Variants in MYH16 observed in about 807,000 individuals in gnomAD.
The protein encoded by MYH16 is myosin heavy chain 16.
intron 1 of MYH16, among the ~76,000 whole-genome samples, chr7:99,240,936 G>T (rs930086143): frequency 1.3e-5 from 2 of 152,082 alleles, no homozygotes; most frequent in East Asian, 1.9e-4. Flanking sequence ...GTGGTAAAAA[G>T]ATATAGTTGG....
At chr7:99,269,807 G>A (rs555328948) in intron 18 of MYH16, among the ~76,000 whole-genome samples, 1 of 151,352 alleles carries the variant, frequency 6.6e-6, no homozygotes, top group Admixed American at 6.6e-5. Flanking sequence ...TCCTGTGCAG[G>A]AATTTCTCTA....
In MYH16 at chr7:99,279,502, C is replaced by G. The variant is rs1260536078; in HGVS notation, n.2660-8C>G. The G allele has an allele frequency of 2.2e-6, 1 of 456,482 alleles. No homozygotes were observed. Among genetic ancestry groups the G allele is most frequent in the South Asian group, 1.5e-5 (1 of 64,546 alleles). 28.3% of individuals were successfully genotyped at this position (456,482 alleles called of 1,614,324 possible). A position where few individuals can be genotyped will look rare whatever the true frequency, so the allele number is the denominator to read the frequency against. On this transcript the variant is annotated splice_polypyrimidine_tract_variant and splice_region_variant and intron_variant and non_coding_transcript_variant, in intron 21 of 41. Transcript: ENST00000439784. The stretch of plus-strand genomic sequence containing the variant: ...CCTGTCCTCGACCGGGGCTCTTTCT[C>G]CCAACAGGAGCAAGAGAACCTGATG...
At chr7:99,302,039 C>T (rs1792602103) in intron 38 of MYH16, among the ~76,000 whole-genome samples, 1 of 152,186 alleles carries the variant, frequency 6.6e-6, no homozygotes, top group Admixed American at 6.5e-5. Context: ...CACTGTGGCT[C>T]ATGCCTATAA....
At chr7:99,242,565 G>C (rs1791678154) in intron 1 of MYH16, among the ~76,000 whole-genome samples, 1 of 152,200 alleles carries the variant, frequency 6.6e-6, no homozygotes, top group African/African-American at 2.4e-5. Flanking sequence ...TTGAGCCCAA[G>C]AGATTGAAGC....
chr7:99,273,480 G>C (rs951086184), intron 20 of MYH16, 57 bp downstream of exon 2: 4 of 455,380 alleles, frequency 8.8e-6, no homozygotes, highest in South Asian at 6.2e-5. Context: ...GCTGGGGGAG[G>C]GCTTGATCCT....
At position 99,283,963 on chromosome 7, in the gene MYH16, G is replaced by A. The variant is rs137946847; in HGVS notation, n.3170G>A. 111 of 456,644 alleles carry A rather than the reference G, an allele frequency of 2.4e-4. No individual in the cohort carries two copies. In the East Asian group the frequency reaches 6.3e-3, roughly 26 times the overall value. 28.3% of individuals were successfully genotyped at this position (456,644 alleles called of 1,614,324 possible). ...TGAGAGTGACCTGAAGATGACCATC[G>A]ACAACCTCAATGAGATGGAGCGTTC... On this transcript the variant is annotated non_coding_transcript_exon_variant, in exon 25 of 42. Transcript: ENST00000439784.
chr7:99,270,805 G>A (rs1202635123), intron 18 of MYH16, among the ~76,000 whole-genome samples: 1 of 152,048 alleles, frequency 6.6e-6, no homozygotes, highest in Non-Finnish European at 1.5e-5. Context: ...GATTGCTTAA[G>A]CTCGGGAGGT....
At chr7:99,259,704 G>A (rs1791915817) in intron 11 of MYH16, among the ~76,000 whole-genome samples, 1 of 147,124 alleles carries the variant, frequency 6.8e-6, no homozygotes, top group Admixed American at 6.8e-5. Flanking sequence ...ATATGTGTGT[G>A]TATATATATA....
At chr7:99,252,061 CA>C (rs1427535720) in intron 6 of MYH16, among the ~76,000 whole-genome samples, 1 of 152,148 alleles carries the variant, frequency 6.6e-6, no homozygotes, top group Admixed American at 6.5e-5. Context: ...AGAACCTTGG[CA>C]ACAGTGATGG....
At chr7:99,308,293 TAAAAAAAAAAAAAA>T (rs10556699), downstream of MYH16, among the ~76,000 whole-genome samples, 2 of 40,158 alleles carry the variant, frequency 5.0e-5, no homozygotes, top group Non-Finnish European at 9.2e-5. Flanking sequence ...AGGCTCTGTC[TAAAAAAAAAAAAAA>T]AAAAAAAAAA....
intron 20 of MYH16, among the ~76,000 whole-genome samples, chr7:99,276,040 G>T (rs1244689594): frequency 6.6e-6 from 1 of 152,080 alleles, no homozygotes; most frequent in Non-Finnish European, 1.5e-5. Context: ...TTTAGTTTTT[G>T]TTGTTGTTGT....
At chr7:99,264,046 C>G (rs1562777202) in intron 14 of MYH16, among the ~76,000 whole-genome samples, 1 of 152,236 alleles carries the variant, frequency 6.6e-6, no homozygotes, top group Non-Finnish European at 1.5e-5. Flanking sequence ...AGCACAGCAA[C>G]TCTTTTGAGA....
chr7:99,284,896 T>C (rs1003005740), exon 26 of MYH16: 1 of 456,698 alleles, frequency 2.2e-6, no homozygotes, highest in Non-Finnish European at 4.4e-6. Flanking sequence ...ATGAGCAGTC[T>C]CTGAATTCCA....
downstream of MYH16, among the ~76,000 whole-genome samples, chr7:99,310,050 A>G (rs964903435): frequency 6.6e-6 from 1 of 152,182 alleles, no homozygotes; most frequent in African/African-American, 2.4e-5. Flanking sequence ...AAAACTGAAA[A>G]GAAAAAAATT....
exon 8 of MYH16, chr7:99,253,798 C>G (rs1791839778): frequency 4.9e-6 from 1 of 204,820 alleles, no homozygotes; most frequent in African/African-American, 2.3e-5. Flanking sequence ...CTACCAGATT[C>G]TCTCAAACAA....
At chr7:99,266,830 T>C (rs1047134023) in intron 17 of MYH16, 3 of 152,708 alleles carry the variant, frequency 2.0e-5, no homozygotes, top group Non-Finnish European at 4.4e-5. Context: ...CAGTGATGAC[T>C]GTCAATCATC....
At chr7:99,284,645 T>G (rs1477187878) in intron 25 of MYH16, among the ~76,000 whole-genome samples, 200 bp from the exon 8 acceptor site, 1 of 152,160 alleles carries the variant, frequency 6.6e-6, no homozygotes, top group African/African-American at 2.4e-5. Flanking sequence ...ATGAAACACC[T>G]GAGGAGCTCA....
exon 9 of MYH16, chr7:99,255,652 C>T (rs1791862670): frequency 6.5e-6 from 1 of 153,140 alleles, no homozygotes; most frequent in Non-Finnish European, 1.5e-5. Flanking sequence ...CTGTGGACAA[C>T]ATGGATGACA....
rs765525849 is a variant in MYH16, at chr7:99,279,751, G to A, written n.2887+14G>A. ...AAGGAGAAGCAGGTGAGGAGAGGCCGGGGCCCTGCCACGCTTTTCTCAGGC... is the reference window on the plus strand; with the variant it reads ...AAGGAGAAGCAGGTGAGGAGAGGCCAGGGCCCTGCCACGCTTTTCTCAGGC... On this transcript the variant is annotated intron_variant and non_coding_transcript_variant, in intron 22 of 41. Transcript: ENST00000439784. The A allele has an allele frequency of 4.0e-5, 18 of 450,520 alleles. No individual in the cohort carries two copies. Among genetic ancestry groups the A allele is most frequent in the East Asian group, 2.1e-4 (3 of 14,378 alleles). The allele number at this position is 450,520 out of a possible 1,614,324, so 27.9% of individuals were successfully genotyped here.
Sources: gnomAD v4.1 joint callset for allele counts (sites outside exome capture counted in the v4.1 genomes callset) on GRCh38, gnomAD v4.1.1 for gene constraint, MANE v1.5 for transcripts, NCBI Gene and HGNC (gene_info 2026-07-23, HGNC 2026-07-21) for gene names.